RASEF: variants seen among roughly 807,000 people sequenced by gnomAD.
RASEF encodes ras and EF-hand domain-containing protein.
In RASEF, 68 loss-of-function variants were observed where a neutral mutation model predicts 90.1. That is an observed-to-expected ratio of 0.75 (90% CI 0.62 to 0.92). The LOEUF is 0.92. Ranked by LOEUF, RASEF falls within the 40% of genes least tolerant of loss-of-function variation. The pLI, the probability that RASEF is intolerant of heterozygous loss-of-function variation, is 0.00. For missense variants in RASEF, 949 were observed against 937.2 expected, an observed-to-expected ratio of 1.01 and a Z score of -0.16; for synonymous variants, 331 against 345.2, an observed-to-expected ratio of 0.96 and a Z score of 0.46.
the RASEF span, among the ~76,000 whole-genome samples, chr9:83,195,899 A>T: frequency 6.6e-6 from 1 of 152,020 alleles, no homozygotes; most frequent in Non-Finnish European, 1.5e-5. Context: ...CAGCCTACTG[A>T]TAGGAGTAGT....
At chr9:83,030,234 G>A (rs901003407) in intron 1 of RASEF, among the ~76,000 whole-genome samples, 13 of 152,024 alleles carry the variant, frequency 8.6e-5, no homozygotes, top group African/African-American at 3.1e-4. Context: ...GTGGGCGCCT[G>A]TAGTCCCAGC....
intron 1 of RASEF, among the ~76,000 whole-genome samples, chr9:83,043,222 G>A (rs545196242): frequency 7.9e-5 from 12 of 152,188 alleles, no homozygotes; most frequent in Admixed American, 4.6e-4. Flanking sequence ...AATCAATTGC[G>A]GTATTTTCAC....
At chr9:83,212,127 C>A in the RASEF span, among the ~76,000 whole-genome samples, 1 of 151,968 alleles carries the variant, frequency 6.6e-6, no homozygotes, top group African/African-American at 2.4e-5. Flanking sequence ...TGTGTGATAA[C>A]AATAACAACA....
chr9:83,028,059 C>A (rs773831744), intron 1 of RASEF, among the ~76,000 whole-genome samples: 4 of 152,138 alleles, frequency 2.6e-5, no homozygotes, highest in South Asian at 2.1e-4. Flanking sequence ...ACAAGAAATA[C>A]CAAAAATTTT....
At chr9:83,034,563 T>C (rs1466170566) in intron 1 of RASEF, among the ~76,000 whole-genome samples, 1 of 152,156 alleles carries the variant, frequency 6.6e-6, no homozygotes, top group Non-Finnish European at 1.5e-5. Flanking sequence ...CTAGGAACAA[T>C]CCAGATTACA....
At chr9:83,169,757 T>C in the RASEF span, among the ~76,000 whole-genome samples, 2 of 152,148 alleles carry the variant, frequency 1.3e-5, no homozygotes, top group Non-Finnish European at 2.9e-5. Flanking sequence ...TTGGGAAATA[T>C]CTATTCAGAT....
At chr9:83,189,349 CTG>C in the RASEF span, among the ~76,000 whole-genome samples, 1 of 152,194 alleles carries the variant, frequency 6.6e-6, no homozygotes, top group Non-Finnish European at 1.5e-5. Context: ...CCATGCTGCA[CTG>C]TGAGTCAATT....
At chr9:83,216,494 G>C in the RASEF span, among the ~76,000 whole-genome samples, 5 of 152,170 alleles carry the variant, frequency 3.3e-5, no homozygotes, top group East Asian at 5.8e-4. Context: ...ACGTGGTCTT[G>C]AGCCTGCGGG....
At chr9:83,108,781 C>T in the RASEF span, among the ~76,000 whole-genome samples, 8 of 152,152 alleles carry the variant, frequency 5.3e-5, no homozygotes, top group Non-Finnish European at 1.2e-4. Flanking sequence ...ATTTCACACC[C>T]TTGCTTGCTC....
chr9:83,058,065 C>T (rs1830132377), intron 1 of RASEF, among the ~76,000 whole-genome samples: 1 of 150,796 alleles, frequency 6.6e-6, no homozygotes, highest in Non-Finnish European at 1.5e-5. Context: ...TCTTCCTTTC[C>T]CCTCCATCTG....
the RASEF span, among the ~76,000 whole-genome samples, chr9:83,189,666 C>A: frequency 6.6e-6 from 1 of 152,180 alleles, no homozygotes; most frequent in Non-Finnish European, 1.5e-5. Flanking sequence ...AGTCTATAAT[C>A]TTATATATTA....
the RASEF span, among the ~76,000 whole-genome samples, chr9:83,091,286 G>T: frequency 6.6e-6 from 1 of 152,138 alleles, no homozygotes; most frequent in African/African-American, 2.4e-5. Context: ...AGGTGCAGTG[G>T]CTCACCCCTG....
the RASEF span, among the ~76,000 whole-genome samples, chr9:83,138,916 A>C: frequency 1.3e-5 from 2 of 152,156 alleles, no homozygotes; most frequent in Non-Finnish European, 2.9e-5. Context: ...TTAAAAAAAA[A>C]CAGCCACGAG....
At chr9:83,162,969 A>G in the RASEF span, among the ~76,000 whole-genome samples, 1 of 152,212 alleles carries the variant, frequency 6.6e-6, no homozygotes, top group Non-Finnish European at 1.5e-5. Context: ...CAATTAGAAG[A>G]AGGGGAAATG....
intron 1 of RASEF, among the ~76,000 whole-genome samples, chr9:83,029,913 C>T (rs904862821): frequency 1.2e-4 from 19 of 152,146 alleles, no homozygotes; most frequent in African/African-American, 3.9e-4. Flanking sequence ...ATATTTATTA[C>T]GGGGCAGTGA....
chr9:83,026,415 G>A (rs111989538), intron 1 of RASEF, among the ~76,000 whole-genome samples: 4,514 of 152,160 alleles, frequency 0.03, 208 homozygotes, highest in African/African-American at 0.1. Flanking sequence ...ATGACTGGGA[G>A]GCCTCAGGAA....
intron 1 of RASEF, among the ~76,000 whole-genome samples, chr9:83,038,946 T>C (rs759271981): frequency 2.6e-5 from 4 of 152,206 alleles, no homozygotes; most frequent in African/African-American, 4.8e-5. Context: ...CAATACAAAA[T>C]ATGTAACTTT....
At chr9:83,019,516 G>A (rs1829404891) in intron 3 of RASEF, among the ~76,000 whole-genome samples, 1 of 152,118 alleles carries the variant, frequency 6.6e-6, no homozygotes, top group Non-Finnish European at 1.5e-5. Flanking sequence ...AATCAGGTTT[G>A]CAGTATCTTA....
chr9:83,163,895 G>GA, the RASEF span, among the ~76,000 whole-genome samples: 2 of 149,402 alleles, frequency 1.3e-5, no homozygotes, highest in African/African-American at 2.5e-5. Context: ...AATAAATGCT[G>GA]AAAAAATTAC....
Sources: allele counts gnomAD v4.1 joint callset (sites outside exome capture counted in the v4.1 genomes callset), GRCh38; gene constraint gnomAD v4.1.1; transcripts MANE v1.5; gene names NCBI Gene and HGNC (gene_info 2026-07-23, HGNC 2026-07-21).